MIPOL1: variants seen among roughly 807,000 people sequenced by gnomAD.
The protein encoded by MIPOL1 is mirror-image polydactyly 1.
Under a neutral mutation model 60.9 loss-of-function variants are expected in MIPOL1, and 57 were observed. The ratio of observed to expected loss-of-function variants is 0.94; its 90% CI spans 0.76 to 1.17. The LOEUF (loss-of-function observed/expected upper bound fraction) is 1.17, where lower values mean the gene tolerates loss of function less well. Among genes scored for constraint, MIPOL1 ranks in the 50% most tolerant of loss-of-function variants. The pLI, the probability that MIPOL1 is intolerant of heterozygous loss-of-function variation, is 0.00. For missense variants in MIPOL1, 551 were observed against 511.6 expected, an observed-to-expected ratio of 1.08 and a Z score of -0.74; for synonymous variants, 179 against 168.8, an observed-to-expected ratio of 1.06 and a Z score of -0.47.
At chr14:37,515,627 G>GA (rs1224432098) in intron 12 of MIPOL1, among the ~76,000 whole-genome samples, 2 of 152,082 alleles carry the variant, frequency 1.3e-5, no homozygotes, top group Non-Finnish European at 2.9e-5. Flanking sequence ...TTAGTATCTT[G>GA]AAAAATCTTT....
intron 1 of MIPOL1, among the ~76,000 whole-genome samples, chr14:37,210,589 G>A (rs115471120): frequency 1.1e-3 from 171 of 152,182 alleles, no homozygotes; most frequent in African/African-American, 3.8e-3. Flanking sequence ...TTGAAGATTA[G>A]GCGGGCAGGG....
At chr14:37,524,864 G>A (rs968957328) in intron 12 of MIPOL1, among the ~76,000 whole-genome samples, 12 of 151,652 alleles carry the variant, frequency 7.9e-5, no homozygotes, top group Non-Finnish European at 1.6e-4. Flanking sequence ...CACCGCACCC[G>A]GCCTGAAGCT....
chr14:37,389,507 CTT>C (rs1188916994), intron 10 of MIPOL1, among the ~76,000 whole-genome samples: 1 of 151,858 alleles, frequency 6.6e-6, no homozygotes, highest in Admixed American at 6.6e-5. Context: ...TTTCTTTACT[CTT>C]TTTCCTGTCA....
At chr14:37,459,523 A>C (rs961252992) in intron 11 of MIPOL1, among the ~76,000 whole-genome samples, 2 of 152,190 alleles carry the variant, frequency 1.3e-5, no homozygotes, top group Non-Finnish European at 2.9e-5. Flanking sequence ...AACAGTAATG[A>C]AAATTTTTCC....
At chr14:37,447,728 T>G (rs1320982201) in intron 11 of MIPOL1, among the ~76,000 whole-genome samples, 1 of 152,192 alleles carries the variant, frequency 6.6e-6, no homozygotes, top group Non-Finnish European at 1.5e-5. Flanking sequence ...GGTGCTCATT[T>G]GCATTTTACT....
chr14:37,426,315 G>A (rs2093958400), intron 11 of MIPOL1, among the ~76,000 whole-genome samples: 1 of 151,598 alleles, frequency 6.6e-6, no homozygotes, highest in Non-Finnish European at 1.5e-5. Context: ...AGGGGTCAGT[G>A]TTGGCTTCTG....
At chr14:37,371,001 A>T (rs1323294156) in intron 10 of MIPOL1, among the ~76,000 whole-genome samples, 1 of 152,108 alleles carries the variant, frequency 6.6e-6, no homozygotes, top group Non-Finnish European at 1.5e-5. Flanking sequence ...TAAAAATTCT[A>T]GTTTGTTAAG....
chr14:37,277,719 G>A (rs1594866711), intron 6 of MIPOL1: 1 of 151,212 alleles, frequency 6.6e-6, no homozygotes, highest in African/African-American at 2.4e-5. Flanking sequence ...TATATATTAA[G>A]AGCTTTAAAA....
rs111299202 is a variant in MIPOL1 at position 37,308,648 on chromosome 14, A to G, written c.828+129A>G. Reference sequence around the variant, plus strand: ...ATTTTTAGCACATAATTAATACCACAGTGATTAGCTATATTAAAATAATTA... The same window carrying G: ...ATTTTTAGCACATAATTAATACCACGGTGATTAGCTATATTAAAATAATTA... On this transcript the variant is annotated intron_variant, in intron 9 of 12. Coordinates refer to ENST00000684589, the MANE Select transcript of MIPOL1 (RefSeq NM_001388067.1). 1,460 of 492,350 alleles carry G rather than the reference A, an allele frequency of 3.0e-3. 19 individuals are homozygous for G. Among genetic ancestry groups the G allele is most frequent in the African/African-American group, 0.026 (1,280 of 49,896 alleles). 30.5% of individuals were successfully genotyped at this position (492,350 alleles called of 1,614,324 possible).
chr14:37,372,682 G>A (rs2092672323), intron 10 of MIPOL1, among the ~76,000 whole-genome samples: 1 of 151,238 alleles, frequency 6.6e-6, no homozygotes, highest in African/African-American at 2.4e-5. Context: ...TTCAGCCCAG[G>A]AGGCAGAGGT....
At chr14:37,472,236 C>G (rs2094698755) in intron 11 of MIPOL1, among the ~76,000 whole-genome samples, 1 of 152,144 alleles carries the variant, frequency 6.6e-6, no homozygotes, top group Admixed American at 6.6e-5. Context: ...ACTTGATTTA[C>G]TTTTCCTAAG....
chr14:37,489,630 T>C (rs2095014647), intron 11 of MIPOL1, among the ~76,000 whole-genome samples: 1 of 152,236 alleles, frequency 6.6e-6, no homozygotes, highest in Non-Finnish European at 1.5e-5. Context: ...GGATTGGGTC[T>C]CTGACTGGAC....
intron 9 of MIPOL1, among the ~76,000 whole-genome samples, chr14:37,351,004 C>A (rs374986714): frequency 1.7e-4 from 26 of 150,174 alleles, no homozygotes; most frequent in African/African-American, 6.4e-4. Context: ...GTGCACTGCA[C>A]CCACTAACTC....
chr14:37,480,030 G>C (rs7159004), intron 11 of MIPOL1, among the ~76,000 whole-genome samples: 112,718 of 151,956 alleles, frequency 0.74, 42,002 homozygotes, highest in East Asian at 0.85. Context: ...ACTATAAAGA[G>C]GTTAAATCAG....
At chr14:37,351,731 C>A (rs2091402245) in intron 9 of MIPOL1, among the ~76,000 whole-genome samples, 8 of 126,172 alleles carry the variant, frequency 6.3e-5, no homozygotes, top group African/African-American at 2.1e-4. Flanking sequence ...CTGTTCATGT[C>A]CTTTGCCCAC....
At chr14:37,399,113 T>C (rs1407075852) in intron 10 of MIPOL1, among the ~76,000 whole-genome samples, 6 of 152,176 alleles carry the variant, frequency 3.9e-5, no homozygotes, top group African/African-American at 1.4e-4. Flanking sequence ...AAAATTTTCA[T>C]TTTTGTTTGT....
chr14:37,407,955 T>C (rs1281467150), intron 10 of MIPOL1, among the ~76,000 whole-genome samples: 1 of 146,382 alleles, frequency 6.8e-6, no homozygotes, highest in African/African-American at 2.5e-5. Context: ...ACTCAAGCAG[T>C]ACTCCTGCCT....
intron 9 of MIPOL1, among the ~76,000 whole-genome samples, chr14:37,311,252 G>C (rs113154279): frequency 6.6e-6 from 1 of 152,042 alleles, no homozygotes; most frequent in Non-Finnish European, 1.5e-5. Flanking sequence ...TGAAGCATTC[G>C]TTCACCACAA....
At chr14:37,400,319 G>A (rs1448415577) in intron 10 of MIPOL1, 2 of 152,038 alleles carry the variant, frequency 1.3e-5, no homozygotes, top group Non-Finnish European at 2.9e-5. Context: ...TGGAGGAGAT[G>A]TTTGAAGATA....
Sources: gnomAD v4.1 joint callset for allele counts (sites outside exome capture counted in the v4.1 genomes callset) on GRCh38, gnomAD v4.1.1 for gene constraint, MANE v1.5 for transcripts, NCBI Gene and HGNC (gene_info 2026-07-23, HGNC 2026-07-21) for gene names.